Variants in SPOCK1 observed in about 807,000 individuals in gnomAD.
SPOCK1 encodes testican-1.
In SPOCK1, 23 loss-of-function variants were observed where a neutral mutation model predicts 55.3. The ratio of observed to expected loss-of-function variants is 0.42; its 90% confidence interval spans 0.30 to 0.59. The LOEUF is 0.59. Among genes scored for constraint, SPOCK1 ranks in the 20% least tolerant of loss-of-function variants. The pLI is 0.22. For missense variants in SPOCK1, 499 were observed against 552.5 expected (o/e 0.90, Z 0.97); for synonymous variants, 226 against 221.0 (o/e 1.02, Z -0.20).
chr5:137,002,966 G>A (rs372851576), intron 6 of SPOCK1, among the ~76,000 whole-genome samples: 2 of 152,332 alleles, frequency 1.3e-5, no homozygotes, highest in South Asian at 4.1e-4. Flanking sequence ...GGCAAGAATT[G>A]AACTGAGGCT....
In SPOCK1 at chr5:137,302,765, C is replaced by G. The variant is rs757854949; in HGVS notation, c.187-35710G>C. 2.0e-5 allele frequency among the ~76,000 whole-genome samples: 3 copies of G among 152,046 alleles called. No homozygotes were observed. The South Asian group carries it at 6.2e-4, about 32-fold the overall frequency. On this transcript the variant is annotated intron_variant, in intron 2 of 10. Coordinates refer to ENST00000394945, the MANE Select transcript of SPOCK1 (RefSeq NM_004598.4). ...TCTAAAACGTCCTTGAACTCTGCAT[C>G]CACGAGGACTTCCGGACTCAACGTT...
chr5:137,273,353 C>T, intron 2 of SPOCK1: 1 of 983,554 alleles, frequency 1.0e-6, no homozygotes, highest in Non-Finnish European at 1.2e-6. Context: ...TGTCTACATA[C>T]AGTTGAAAAA....
chr5:137,491,796 T>G (rs2149845488), intron 2 of SPOCK1, among the ~76,000 whole-genome samples: 1 of 152,326 alleles, frequency 6.6e-6, no homozygotes, highest in East Asian at 1.9e-4. Flanking sequence ...AAATGCTTAT[T>G]GGCCACCTGC....
chr5:137,279,623 T>C (rs1757132310), intron 2 of SPOCK1, among the ~76,000 whole-genome samples: 1 of 152,224 alleles, frequency 6.6e-6, no homozygotes, highest in Admixed American at 6.5e-5. Flanking sequence ...CTGGCAGCTC[T>C]ACTCAGTGTC....
chr5:137,073,168 TCTA>T (rs1252531590), intron 5 of SPOCK1, among the ~76,000 whole-genome samples: 2 of 152,224 alleles, frequency 1.3e-5, no homozygotes, highest in Admixed American at 6.5e-5. Context: ...TCACTGAGCA[TCTA>T]CTATGGGCCA....
At chr5:137,130,093 G>A (rs1753845505) in intron 4 of SPOCK1, among the ~76,000 whole-genome samples, 1 of 152,172 alleles carries the variant, frequency 6.6e-6, no homozygotes, top group African/African-American at 2.4e-5. Context: ...TGTGAAGCTA[G>A]AGGCAAGATG....
In SPOCK1 at chr5:137,045,470, C is replaced by T. The variant is rs372787448; in HGVS notation, c.589+22245G>A. On this transcript the variant is annotated intron_variant, in intron 6 of 10. Coordinates refer to ENST00000394945, the MANE Select transcript of SPOCK1 (RefSeq NM_004598.4). ...TTGAGAAGTGTCTGTTCATGTCCTT[C>T]GCCCACTTTTTGATGGGGTTGTTTG... Among the ~76,000 whole-genome samples, 14 of 15,518 alleles carry T rather than the reference C, an allele frequency of 9.0e-4. 1 individual carries two copies. In the East Asian group the frequency reaches 0.021, roughly 23 times the overall value. The allele number at this position is 15,518 out of a possible 152,430, so 10.2% of individuals were successfully genotyped here.
At chr5:137,251,101 C>A (rs569857754) in intron 3 of SPOCK1, among the ~76,000 whole-genome samples, 1 of 152,286 alleles carries the variant, frequency 6.6e-6, no homozygotes, top group East Asian at 1.9e-4. Context: ...TCTAATGCAG[C>A]AGGGTCTGAG....
In SPOCK1 at chr5:137,304,249, A is replaced by G. The variant is rs368897935; in HGVS notation, c.187-37194T>C. Among the ~76,000 whole-genome samples, 27 of 152,240 alleles carry G rather than the reference A, an allele frequency of 1.8e-4. No individual in the cohort carries two copies. The East Asian group carries it at 1.9e-3, about 11-fold the overall frequency. ...TTGATGTTCAAAGGCTTGAACCCAC[A>G]TGTAATACTCAAGGTAGGGAAAGGA... On this transcript the variant is annotated intron_variant, in intron 2 of 10. Transcript: ENST00000394945.
rs188269290 is a variant in SPOCK1, at chr5:137,321,153, G to A, written c.187-54098C>T. ...AAGCAACACAGAATCAGCACACTCAGAGACAGGTCATTGGAAATTATTCAG... is the reference window on the plus strand; with the variant it reads ...AAGCAACACAGAATCAGCACACTCAAAGACAGGTCATTGGAAATTATTCAG... On this transcript the variant is annotated intron_variant, in intron 2 of 10. Transcript: ENST00000394945. Among the ~76,000 whole-genome samples the A allele has an allele frequency of 6.0e-5, 9 of 149,082 alleles. No homozygotes were observed. In the East Asian group the frequency reaches 1.6e-3, roughly 26 times the overall value.
At chr5:137,426,624 C>T (rs1580920922) in intron 2 of SPOCK1, among the ~76,000 whole-genome samples, 1 of 152,168 alleles carries the variant, frequency 6.6e-6, no homozygotes, top group East Asian at 1.9e-4. Context: ...TTACATGTGA[C>T]CTGAGTTTCC....
chr5:137,243,740 A>G (rs954620548), intron 3 of SPOCK1, among the ~76,000 whole-genome samples: 11 of 152,172 alleles, frequency 7.2e-5, no homozygotes, highest in Admixed American at 1.3e-4. Context: ...ATCCCTTATT[A>G]TGACTGAACA....
chr5:137,122,722 G>C (rs947323941), intron 4 of SPOCK1, among the ~76,000 whole-genome samples: 14 of 152,226 alleles, frequency 9.2e-5, no homozygotes, highest in Non-Finnish European at 1.8e-4. Flanking sequence ...GAGCAGCTGG[G>C]AAAGCACAGA....
intron 3 of SPOCK1, among the ~76,000 whole-genome samples, chr5:137,208,807 T>C (rs1200935290): frequency 6.6e-6 from 1 of 151,796 alleles, no homozygotes; most frequent in African/African-American, 2.4e-5. Context: ...AACCTCAGCA[T>C]CACACAGTAT....
chr5:137,317,613 G>T (rs948253506), intron 2 of SPOCK1, among the ~76,000 whole-genome samples: 1 of 152,218 alleles, frequency 6.6e-6, no homozygotes, highest in African/African-American at 2.4e-5. Flanking sequence ...TTCAGGAAAT[G>T]AAGGCTCAGC....
intron 2 of SPOCK1, among the ~76,000 whole-genome samples, chr5:137,495,836 T>C (rs1024834454): frequency 6.6e-6 from 1 of 152,176 alleles, no homozygotes; most frequent in Non-Finnish European, 1.5e-5. Context: ...TTTAAAGAGG[T>C]TAATGACATT....
At chr5:137,166,244 G>T (rs1754645855) in intron 3 of SPOCK1, among the ~76,000 whole-genome samples, 1 of 152,058 alleles carries the variant, frequency 6.6e-6, no homozygotes, top group Non-Finnish European at 1.5e-5. Context: ...AACCTTATAG[G>T]CCAGGAGAGA....
intron 2 of SPOCK1, among the ~76,000 whole-genome samples, chr5:137,399,722 A>T (rs1241831124): frequency 1.3e-5 from 2 of 152,220 alleles, no homozygotes; most frequent in Non-Finnish European, 2.9e-5. Flanking sequence ...TGACCTTTTC[A>T]AACTATATAT....
chr5:137,384,392 C>A (rs1026092466), intron 2 of SPOCK1, among the ~76,000 whole-genome samples: 4 of 152,128 alleles, frequency 2.6e-5, no homozygotes, highest in Non-Finnish European at 4.4e-5. Flanking sequence ...AGCTTCAATT[C>A]AAAGCTCTAG....
Sources: allele counts gnomAD v4.1 joint callset (sites outside exome capture counted in the v4.1 genomes callset), GRCh38; gene constraint gnomAD v4.1.1; transcripts MANE v1.5; gene names NCBI Gene and HGNC (gene_info 2026-07-23, HGNC 2026-07-21).